The following BBX variants were observed in gnomAD, a reference collection of about 807,000 sequenced individuals.
BBX encodes the protein BBX high mobility group box domain containing.
Under a neutral mutation model 100.2 loss-of-function variants are expected in BBX, and 30 were observed. That is an observed-to-expected ratio of 0.30 (90% confidence interval 0.22 to 0.41). BBX has a LOEUF of 0.41. Ranked by LOEUF, BBX falls within the 10% of genes least tolerant of loss-of-function variation. The probability of loss-of-function intolerance (pLI) is 1.00; values close to 1 mark genes in which losing one functional copy is unlikely to be tolerated. For synonymous variants in BBX, 376 were observed against 388.1 expected (o/e 0.97, Z 0.37); for missense variants, 1,023 against 1,129.8 (o/e 0.91, Z 1.35).
chr3:107,685,804 TAACC>T (rs2059814012), intron 3 of BBX, among the ~76,000 whole-genome samples: 1 of 152,252 alleles, frequency 6.6e-6, no homozygotes, highest in Non-Finnish European at 1.5e-5. Context: ...GTTTGTTTTG[TAACC>T]ACAAGGTTTT....
rs113566723 is a variant in BBX, at chr3:107,759,881, A to G, written c.906+4203A>G. On this transcript the variant is annotated intron_variant, in intron 10 of 17. Transcript: ENST00000325805. Reference sequence around the variant, plus strand: ...TTCTGCTTCTCACTTTTCTGAAACAATTTTGAATGTTCTTTAAAATACATT... The same window carrying G: ...TTCTGCTTCTCACTTTTCTGAAACAGTTTTGAATGTTCTTTAAAATACATT... Among the ~76,000 whole-genome samples, 9 of 152,300 alleles carry G rather than the reference A, an allele frequency of 5.9e-5. 2 individuals carry two copies. Among genetic ancestry groups the G allele is most frequent in the African/African-American group, 1.9e-4 (8 of 41,576 alleles).
chr3:107,763,712 A>C (rs180867194), intron 10 of BBX, among the ~76,000 whole-genome samples: 2 of 152,138 alleles, frequency 1.3e-5, no homozygotes, highest in Admixed American at 1.3e-4. Context: ...CTTTTTATAC[A>C]TGGTCTAACA....
intron 13 of BBX, among the ~76,000 whole-genome samples, chr3:107,787,944 G>C (rs1463667559): frequency 6.6e-6 from 1 of 152,166 alleles, no homozygotes; most frequent in African/African-American, 2.4e-5. Flanking sequence ...CAGCTAGAGA[G>C]ACTCAAAGGA....
intron 9 of BBX, among the ~76,000 whole-genome samples, chr3:107,751,239 A>G (rs2065054120): frequency 6.6e-6 from 1 of 152,180 alleles, no homozygotes; most frequent in South Asian, 2.1e-4. Flanking sequence ...TTTCAGAGGG[A>G]TTCCTGGTCC....
rs372806642 is a variant in BBX, at chr3:107,809,928, C to G, written c.*4471C>G. ...TTTAGATTGACTAACAGCATACTTA[C>G]AATTTTAAAAGAAGCTGTTGTTCAG... On this transcript the variant is annotated 3_prime_UTR_variant, in exon 18 of 18. Transcript: ENST00000325805. The G allele has an allele frequency of 6.6e-6, 1 of 152,144 alleles. No individual in the cohort carries two copies. The highest frequency in any genetic ancestry group is 2.4e-5 in the African/African-American group (1 of 41,432). 9.4% of individuals were successfully genotyped at this position (152,144 alleles called of 1,614,324 possible).
intron 2 of BBX, among the ~76,000 whole-genome samples, chr3:107,608,533 G>A (rs1369151963): frequency 1.3e-5 from 2 of 152,042 alleles, no homozygotes; most frequent in African/African-American, 2.4e-5. Context: ...CTTAGGATGA[G>A]TTTGGCTAGT....
intron 2 of BBX, among the ~76,000 whole-genome samples, chr3:107,616,738 C>T: frequency 6.6e-6 from 1 of 152,058 alleles, no homozygotes; most frequent in East Asian, 1.9e-4. Flanking sequence ...CCTTTTCTAA[C>T]TGGAGTTTTT....
intron 10 of BBX, among the ~76,000 whole-genome samples, chr3:107,769,157 G>A (rs1023161040): frequency 1.9e-4 from 28 of 149,774 alleles, no homozygotes; most frequent in Admixed American, 1.3e-3. Context: ...AATAGAGCAC[G>A]ACTCTATCAT....
chr3:107,745,339 C>G (rs1470981845), intron 8 of BBX, among the ~76,000 whole-genome samples: 2 of 152,194 alleles, frequency 1.3e-5, no homozygotes, highest in Non-Finnish European at 1.5e-5. Flanking sequence ...TTTTCTTAAA[C>G]TTTAAGCCAC....
intron 2 of BBX, among the ~76,000 whole-genome samples, chr3:107,603,268 T>C (rs1376318115): frequency 6.6e-6 from 1 of 152,064 alleles, no homozygotes; most frequent in Non-Finnish European, 1.5e-5. Context: ...CCAGCCTGAT[T>C]CCAGTTTTGA....
At chr3:107,571,281 G>A (rs1229381179) in intron 2 of BBX, among the ~76,000 whole-genome samples, 5 of 152,140 alleles carry the variant, frequency 3.3e-5, no homozygotes, top group Non-Finnish European at 7.4e-5. Context: ...CCAAGGGTAC[G>A]TGGGTGAATG....
rs183498509 is a variant in BBX at position 107,697,966 on chromosome 3, G to A, written c.-9-12486G>A. ...GTGGGAGTGACCCGATTTTCCAGGG[G>A]CCGTCTGTCACCACTTTCTTTGATT... On this transcript the variant is annotated intron_variant, in intron 3 of 17. Transcript: ENST00000325805. Among the ~76,000 whole-genome samples, 127 of 152,046 alleles carry A rather than the reference G, an allele frequency of 8.4e-4. 1 individual carries two copies. The highest frequency in any genetic ancestry group is 1.6e-3 in the Non-Finnish European group (108 of 68,028).
intron 12 of BBX, among the ~76,000 whole-genome samples, chr3:107,775,933 C>T (rs900024237): frequency 1.4e-5 from 2 of 146,902 alleles, no homozygotes; most frequent in Non-Finnish European, 3.1e-5. Context: ...ATTAATTTTG[C>T]TTATAATTTT....
chr3:107,804,906 A>G (rs1296943870), intron 17 of BBX, among the ~76,000 whole-genome samples: 2 of 151,614 alleles, frequency 1.3e-5, no homozygotes, highest in South Asian at 2.1e-4. Context: ...ACCAATTACT[A>G]TAGGAGAACT....
At chr3:107,566,175 CAAAAAA>C (rs754905445) in intron 2 of BBX, among the ~76,000 whole-genome samples, 2 of 53,066 alleles carry the variant, frequency 3.8e-5, no homozygotes, top group African/African-American at 1.4e-4. Context: ...AACTCTGTCT[CAAAAAA>C]AAAAAAAAAA....
At chr3:107,661,720 C>G (rs908700059) in intron 3 of BBX, 1 of 242,164 alleles carries the variant, frequency 4.1e-6, no homozygotes, top group African/African-American at 2.3e-5. Flanking sequence ...TAACTTCTGA[C>G]TCTTTTGCTC....
intron 3 of BBX, among the ~76,000 whole-genome samples, chr3:107,652,927 T>C (rs973329442): frequency 1.9e-4 from 29 of 152,296 alleles, no homozygotes; most frequent in African/African-American, 6.5e-4. Flanking sequence ...GCTAGAAAGT[T>C]TACTAGAAAG....
intron 2 of BBX, among the ~76,000 whole-genome samples, chr3:107,538,114 G>C (rs1383185322): frequency 2.0e-5 from 3 of 152,114 alleles, no homozygotes; most frequent in African/African-American, 7.2e-5. Flanking sequence ...TTTAGGTTTC[G>C]TATGTGGACA....
intron 9 of BBX, among the ~76,000 whole-genome samples, chr3:107,751,264 A>T (rs533130002): frequency 4.6e-5 from 7 of 152,212 alleles, no homozygotes; most frequent in Non-Finnish European, 8.8e-5. Flanking sequence ...ATATACACTT[A>T]AAGAGAAGTG....
Sources: allele counts gnomAD v4.1 joint callset (sites outside exome capture counted in the v4.1 genomes callset), GRCh38; gene constraint gnomAD v4.1.1; transcripts MANE v1.5; gene names NCBI Gene and HGNC (gene_info 2026-07-23, HGNC 2026-07-21).